Variants in SLC7A5 observed in about 807,000 individuals in gnomAD.
SLC7A5 encodes large neutral amino acids transporter small subunit 1.
A neutral mutation model predicts 50.2 loss-of-function variants in SLC7A5; 23 were observed. The ratio of observed to expected loss-of-function variants is 0.46; its 90% CI spans 0.33 to 0.65. The LOEUF (loss-of-function observed/expected upper bound fraction) is 0.65, where lower values mean the gene tolerates loss of function less well. Ranked by LOEUF, SLC7A5 falls within the 30% of genes least tolerant of loss-of-function variation. The pLI is 0.02. For missense variants in SLC7A5, 578 were observed against 684.4 expected (o/e 0.84, Z 1.73); for synonymous variants, 393 against 330.6 (o/e 1.19, Z -2.05).
At position 87,867,563 on chromosome 16, in the gene SLC7A5, T is replaced by TC. The variant is rs2055479081; in HGVS notation, c.538+1321dup. Reference sequence around the variant, plus strand: ...ATGAAGAAATGCCTCCCCCTCCCCCTCCCCCCCAAAGTACGGTGTGGCAGA... The same window carrying TC: ...ATGAAGAAATGCCTCCCCCTCCCCCTCCCCCCCCAAAGTACGGTGTGGCAGA... On this transcript the variant is annotated intron_variant, in intron 1 of 9. Transcript: ENST00000261622. Among the ~76,000 whole-genome samples, 4 of 116,644 alleles carry TC rather than the reference T, an allele frequency of 3.4e-5. No individual in the cohort carries two copies. The South Asian group carries it at 9.0e-4, about 26-fold the overall frequency. The allele number at this position is 116,644 out of a possible 152,430, so 76.5% of individuals were successfully genotyped here. A position where few individuals can be genotyped will look rare whatever the true frequency, so the allele number is the denominator to read the frequency against.
chr16:87,842,042 G>A (rs1597498197), intron 2 of SLC7A5, among the ~76,000 whole-genome samples: 1 of 152,140 alleles, frequency 6.6e-6, no homozygotes, highest in Admixed American at 6.5e-5. Context: ...GTTCGAGCCC[G>A]GAATATATTG....
chr16:87,855,447 T>TCACACACGTG (rs1001776043), intron 1 of SLC7A5, among the ~76,000 whole-genome samples: 11 of 152,106 alleles, frequency 7.2e-5, no homozygotes, highest in African/African-American at 2.7e-4. Context: ...CTCTGCTCAA[T>TCACACACGTG]CACACACGTG....
Position 87,852,594 on chromosome 16 carries a change from C to T in SLC7A5, c.539-745G>A, listed in dbSNP as rs1480104385. Among the ~76,000 whole-genome samples the T allele has an allele frequency of 2.0e-5, 3 of 151,340 alleles. No homozygotes were observed. The highest frequency in any genetic ancestry group is 7.3e-5 in the African/African-American group (3 of 41,100). ...CACGCTCAGACAGGTCTCCAGACACCAGCACGTCCTCCTGGGCCCTGTAAG... is the reference window on the plus strand; with the variant it reads ...CACGCTCAGACAGGTCTCCAGACACTAGCACGTCCTCCTGGGCCCTGTAAG... On this transcript the variant is annotated intron_variant, in intron 1 of 9. Transcript: ENST00000261622. This position sits in a 1 kb window ranked among gnomAD's most constrained non-coding sequence, Gnocchi z 4.5.
At chr16:87,855,199 C>A (rs544300787) in intron 1 of SLC7A5, among the ~76,000 whole-genome samples, 4 of 152,234 alleles carry the variant, frequency 2.6e-5, no homozygotes, top group Admixed American at 2.6e-4. Flanking sequence ...GCTCTCGCCA[C>A]GTGCCCTGCT....
rs376038071 is a variant in SLC7A5 at position 87,833,057 on chromosome 16, G to A, written c.1469-32C>T. On this transcript the variant is annotated intron_variant, in intron 9 of 9. Coordinates refer to ENST00000261622, the MANE Select transcript of SLC7A5 (RefSeq NM_003486.7). The surrounding 1 kb of genome is among the most constrained non-coding windows in gnomAD (Gnocchi z 6.0). ...GGAGAGAAGACAGCTGTGTTAGCCT[G>A]GGGGCTGGGTAGGCACCCGTGGGAC... 27 of 1,605,284 alleles carry A rather than the reference G, an allele frequency of 1.7e-5. No individual in the cohort carries two copies. The highest frequency in any genetic ancestry group is 3.3e-4 in the Middle Eastern group (2 of 6,064).
intron 6 of SLC7A5, 36 bp downstream of exon 6, chr16:87,838,678 G>T: frequency 1.3e-6 from 2 of 1,497,576 alleles, no homozygotes; most frequent in Non-Finnish European, 1.9e-6. Flanking sequence ...TGAGGCCTGG[G>T]CCTCCCTCAC....
rs1472070506 is a variant in SLC7A5, at chr16:87,852,062, G to C, written c.539-213C>G. On this transcript the variant is annotated intron_variant, in intron 1 of 9. Coordinates refer to ENST00000261622, the MANE Select transcript of SLC7A5 (RefSeq NM_003486.7). The surrounding 1 kb of genome is among the most constrained non-coding windows in gnomAD (Gnocchi z 4.5). The stretch of plus-strand genomic sequence containing the variant: ...ACTTCGCAGTCCTTTCAGGTCTAAG[G>C]GCTGGATCCCAGGTGCCCCTTAAGA... Among the ~76,000 whole-genome samples, 1 of 152,102 alleles carries C rather than the reference G, an allele frequency of 6.6e-6. No homozygotes were observed. The highest frequency in any genetic ancestry group is 1.9e-4 in the East Asian group (1 of 5,192).
At chr16:87,867,281 T>C (rs973395851) in intron 1 of SLC7A5, among the ~76,000 whole-genome samples, 18 of 152,196 alleles carry the variant, frequency 1.2e-4, no homozygotes, top group Admixed American at 4.6e-4. Flanking sequence ...TCCATGTCGT[T>C]ACATACCGGG....
At position 87,862,523 on chromosome 16, in the gene SLC7A5, T is replaced by A. The variant is rs997870630; in HGVS notation, c.538+6362A>T. On this transcript the variant is annotated intron_variant, in intron 1 of 9. Coordinates refer to ENST00000261622, the MANE Select transcript of SLC7A5 (RefSeq NM_003486.7). The surrounding 1 kb of genome is among the most constrained non-coding windows in gnomAD (Gnocchi z 5.3). ...TCATCTCGCACCCAGAGCTCCAGAC[T>A]AAAGGAAACCCTGGCTCCTGTCTCT... is the stretch of plus-strand genomic sequence containing the variant. 6.6e-6 allele frequency among the ~76,000 whole-genome samples: 1 copy of A among 152,202 alleles called. No homozygotes were observed. Among genetic ancestry groups the A allele is most frequent in the Non-Finnish European group, 1.5e-5 (1 of 68,034 alleles).
At chr16:87,864,913 A>G (rs2055442091) in intron 1 of SLC7A5, among the ~76,000 whole-genome samples, 1 of 152,166 alleles carries the variant, frequency 6.6e-6, no homozygotes, top group Non-Finnish European at 1.5e-5. Flanking sequence ...TTTTATCACT[A>G]TTTTTATTTG....
Position 87,831,763 on chromosome 16 carries a change from C to T in SLC7A5, c.*1207G>A, listed in dbSNP as rs1428140043. 3 of 152,390 alleles carry T rather than the reference C, an allele frequency of 2.0e-5. No individual in the cohort carries two copies. The highest frequency in any genetic ancestry group is 7.2e-5 in the African/African-American group (3 of 41,582). The allele number at this position is 152,390 out of a possible 1,614,324, so 9.4% of individuals were successfully genotyped here. A position where few individuals can be genotyped will look rare whatever the true frequency, so the allele number is the denominator to read the frequency against. On this transcript the variant is annotated 3_prime_UTR_variant, in exon 10 of 10. Coordinates refer to ENST00000261622, the MANE Select transcript of SLC7A5 (RefSeq NM_003486.7). Reference sequence around the variant, plus strand: ...GCCAGGCCTCGGCTGCCTCCCATAGCGAAAAAAATTCACGGGAACAACAGA... The same window carrying T: ...GCCAGGCCTCGGCTGCCTCCCATAGTGAAAAAAATTCACGGGAACAACAGA...
chr16:87,858,786 C>T (rs969259774), intron 1 of SLC7A5, among the ~76,000 whole-genome samples: 3 of 152,210 alleles, frequency 2.0e-5, no homozygotes, highest in African/African-American at 4.8e-5. Flanking sequence ...GCAAATACCA[C>T]ACAATGAACT....
chr16:87,839,010 C>G (rs547606765), intron 5 of SLC7A5, among the ~76,000 whole-genome samples, 193 bp from the exon 6 acceptor site: 11 of 152,354 alleles, frequency 7.2e-5, no homozygotes, highest in African/African-American at 1.9e-4. Context: ...GACCCCTGCC[C>G]AGCCTGCTTG....
intron 1 of SLC7A5, among the ~76,000 whole-genome samples, chr16:87,855,596 C>T (rs1260229852): frequency 3.3e-5 from 5 of 151,996 alleles, no homozygotes; most frequent in South Asian, 2.1e-4. Flanking sequence ...CTCACCTCTG[C>T]GGCAGCCGGC....
chr16:87,838,291 CTTTTTT>C (rs58144270), intron 6 of SLC7A5, among the ~76,000 whole-genome samples: 31,574 of 120,488 alleles, frequency 0.26, 3,518 homozygotes, highest in South Asian at 0.45. Context: ...TTGCTGCTGC[CTTTTTT>C]TTTTTTTTTT....
chr16:87,837,393 A>G, intron 7 of SLC7A5: 1 of 198,980 alleles, frequency 5.0e-6, no homozygotes. Context: ...CTGTGAGATA[A>G]TAAGTGCTTT....
intron 8 of SLC7A5, among the ~76,000 whole-genome samples, 160 bp downstream of exon 8, chr16:87,836,338 G>C (rs542507072): frequency 1.3e-5 from 2 of 152,380 alleles, no homozygotes; most frequent in South Asian, 4.1e-4. Flanking sequence ...CTCGTAGCTG[G>C]TGGTCAAGTC....
intron 2 of SLC7A5, among the ~76,000 whole-genome samples, chr16:87,845,860 G>T (rs1054111064): frequency 6.6e-6 from 1 of 152,214 alleles, no homozygotes; most frequent in Non-Finnish European, 1.5e-5. Context: ...TCTGACGAAG[G>T]GCACCGGGAG....
chr16:87,861,556 C>G lies in SLC7A5; in HGVS notation c.538+7329G>C, dbSNP rs1433608519. Among the ~76,000 whole-genome samples the G allele has an allele frequency of 6.6e-6, 1 of 152,160 alleles. No homozygotes were observed. Among genetic ancestry groups the G allele is most frequent in the Non-Finnish European group, 1.5e-5 (1 of 68,012 alleles). On this transcript the variant is annotated intron_variant, in intron 1 of 9. Transcript: ENST00000261622. The surrounding 1 kb of genome is among the most constrained non-coding windows in gnomAD (Gnocchi z 4.2). The stretch of plus-strand genomic sequence containing the variant: ...ATCACTGGCTTCAAAGGCTGGAGTG[C>G]AAAGTGGTGGCCAAGAGGTGGCCAA...
Sources: gnomAD v4.1 joint callset for allele counts (sites outside exome capture counted in the v4.1 genomes callset) on GRCh38, gnomAD v4.1.1 for gene constraint, Gnocchi (gnomAD v3.1) non-coding constraint, MANE v1.5 for transcripts, NCBI Gene and HGNC (gene_info 2026-07-23, HGNC 2026-07-21) for gene names.